The following MUC3A variants were observed in gnomAD, a reference collection of about 807,000 sequenced individuals.
The protein encoded by MUC3A is mucin-3A.
Under a neutral mutation model 109.0 loss-of-function variants are expected in MUC3A, and 109 were observed. The observed-to-expected ratio is 1.00, with a 90% CI of 0.86 to 1.17. The LOEUF (loss-of-function observed/expected upper bound fraction) is 1.17, where lower values mean the gene tolerates loss of function less well. Among genes scored for constraint, MUC3A ranks in the 50% most tolerant of loss-of-function variants. The probability of loss-of-function intolerance (pLI) is 0.00; values close to 1 mark genes in which losing one functional copy is unlikely to be tolerated. For missense variants in MUC3A, 3,537 were observed against 2,469.4 expected, an observed-to-expected ratio of 1.43 and a Z score of -9.16; for synonymous variants, 1,398 against 981.4, an observed-to-expected ratio of 1.42 and a Z score of -7.93.
chr7:100,950,617 G>A (rs1340698705), intron 1 of MUC3A, among the ~76,000 whole-genome samples: 1 of 152,306 alleles, frequency 6.6e-6, no homozygotes, highest in Non-Finnish European at 1.5e-5. Flanking sequence ...AGGGGTAGCA[G>A]GTCGGGTACC....
At position 100,967,432 on chromosome 7, in the gene MUC3A, C is replaced by G. The variant is rs1792638358; in HGVS notation, c.*270C>G. The G allele has an allele frequency of 1.7e-6, 1 of 603,762 alleles. No individual in the cohort carries two copies. Among genetic ancestry groups the G allele is most frequent in the Non-Finnish European group, 2.9e-6 (1 of 341,608 alleles). The allele number at this position is 603,762 out of a possible 1,614,324, so 37.4% of individuals were successfully genotyped here. On this transcript the variant is annotated 3_prime_UTR_variant, in exon 12 of 12. Coordinates refer to ENST00000379458, the MANE Select transcript of MUC3A (RefSeq NM_005960.2). ...AGTTTCCTCACCTGCAAAACGGGTACAGCATTCCTGTATGATAGCTCACGC... is the reference window on the plus strand; with the variant it reads ...AGTTTCCTCACCTGCAAAACGGGTAGAGCATTCCTGTATGATAGCTCACGC...
chr7:100,966,982 A>T (rs200064816), intron 11 of MUC3A, 31 bp downstream of exon 11: 1,427 of 1,597,838 alleles, frequency 8.9e-4, no homozygotes, highest in Admixed American at 1.9e-3. Context: ...ACCCCAAGGA[A>T]CTCTCCCAGC....
At chr7:100,961,794 CAG>C (rs1158773662) in intron 3 of MUC3A, among the ~76,000 whole-genome samples, 5 of 152,280 alleles carry the variant, frequency 3.3e-5, no homozygotes, top group Admixed American at 3.3e-4. Flanking sequence ...GCGTAGATGA[CAG>C]AGGGAGAGTG....
In MUC3A at chr7:100,959,252, T is replaced by A; in HGVS notation, c.7473T>A (p.Thr2491=). 1 of 1,596,876 alleles carries A rather than the reference T, an allele frequency of 6.3e-7. No individual in the cohort carries two copies. Among genetic ancestry groups the A allele is most frequent in the Non-Finnish European group, 8.5e-7 (1 of 1,178,762 alleles). Residue 2491 remains threonine, a synonymous_variant, in exon 2 of 12, where the codon ACT becomes ACA. Transcript: ENST00000379458. ...STDIPTTSLR[T]LTPSSVGTST... ...ACATCCCGACCACAAGCCTACGAAC[T>A]CTCACCCCTTCGTCTGTGGGCACCA...
Position 100,957,773 on chromosome 7 carries a change from AACC to A in MUC3A, c.6004_6006del (p.Thr2002del), listed in dbSNP as rs1792140861. On this transcript the variant is annotated inframe_deletion, in exon 2 of 12. Coordinates refer to ENST00000379458, the MANE Select transcript of MUC3A (RefSeq NM_005960.2). ...CCAGCTACACTTCTTTGATCACCACAACCACCACCACCTCACACAGTACTCCCA... is the reference window on the plus strand; with the variant it reads ...CCAGCTACACTTCTTTGATCACCACAACCACCACCTCACACAGTACTCCCA... 9 of 553,476 alleles carry A rather than the reference AACC, an allele frequency of 1.6e-5. No homozygotes were observed. Among genetic ancestry groups the A allele is most frequent in the African/African-American group, 6.8e-5 (1 of 14,770 alleles). 34.3% of individuals were successfully genotyped at this position (553,476 alleles called of 1,614,324 possible).
intron 3 of MUC3A, among the ~76,000 whole-genome samples, chr7:100,962,572 G>T (rs866594354): frequency 1.3e-5 from 2 of 152,306 alleles, no homozygotes; most frequent in Admixed American, 1.3e-4. Context: ...CAGGCTGACC[G>T]CTATCTTTCT....
intron 3 of MUC3A, among the ~76,000 whole-genome samples, chr7:100,962,667 TTTC>T (rs1198850616): frequency 1.5e-5 from 2 of 135,896 alleles, no homozygotes; most frequent in Admixed American, 7.4e-5. Context: ...CTCTTTCTCT[TTTC>T]TTTTTTTCTT....
rs74836112 is a variant in MUC3A at position 100,958,744 on chromosome 7, A to C, written c.6965A>C (p.His2322Pro). ...TTTETTSHSA[H>P]SFTSSITTTE... ...ACGGAGACCACCTCACACAGTGCTC[A>C]CAGCTTCACTTCTTCGATCACCACC... The change falls in exon 2 of 12, where the codon CAC (histidine) becomes CCC (proline). Residue 2322 changes from histidine (H) to proline (P), a missense_variant. Coordinates refer to ENST00000379458, the MANE Select transcript of MUC3A (RefSeq NM_005960.2). The C allele has an allele frequency of 0.051, 60,877 of 1,183,806 alleles. 5,844 individuals are homozygous for C. Among genetic ancestry groups the C allele is most frequent in the African/African-American group, 0.38 (19,550 of 51,300 alleles). The allele number at this position is 1,183,806 out of a possible 1,614,324, so 73.3% of individuals were successfully genotyped here.
chr7:100,956,854 C>G lies in MUC3A; in HGVS notation c.5075C>G (p.Thr1692Arg). ...SPPAITSTLH[T>R]TAESTPSPTT... ...CCAGCCATCACCAGTACACTCCACA[C>G]AACAGCTGAATCCACCCCATCACCT... The change falls in exon 2 of 12, where the codon ACA becomes AGA. Residue 1692 changes from threonine (T) to arginine (R), a missense_variant. Physicochemically the swap from Thr to Arg is moderately conservative, Grantham distance 71 (BLOSUM62 -1). Transcript: ENST00000379458. 2.4e-6 allele frequency: 1 copy of G among 415,764 alleles called. No homozygotes were observed. Among genetic ancestry groups the G allele is most frequent in the East Asian group, 3.5e-5 (1 of 28,300 alleles). The allele number at this position is 415,764 out of a possible 1,614,324, so 25.8% of individuals were successfully genotyped here. A position where few individuals can be genotyped will look rare whatever the true frequency, so the allele number is the denominator to read the frequency against.
chr7:100,965,585 A>C, intron 7 of MUC3A, 119 bp from the exon 8 acceptor site: 1 of 1,501,128 alleles, frequency 6.7e-7, no homozygotes, highest in South Asian at 1.3e-5. Flanking sequence ...GGTCTACCCC[A>C]CAGCATCCCA....
intron 4 of MUC3A, 75 bp from the exon 5 acceptor site, chr7:100,963,613 G>A: frequency 6.3e-7 from 1 of 1,595,128 alleles, no homozygotes; most frequent in Non-Finnish European, 8.5e-7. Flanking sequence ...GTCTTCCCTG[G>A]AGCTGGGGTT....
At chr7:100,963,988 T>C in intron 5 of MUC3A, 1 of 645,790 alleles carries the variant, frequency 1.5e-6, no homozygotes, top group Non-Finnish European at 2.7e-6. Context: ...CAGGGACATG[T>C]GGGAAGGTGG....
At chr7:100,964,912 G>T (rs1792471084) in intron 6 of MUC3A, 69 bp downstream of exon 6, 1 of 1,521,144 alleles carries the variant, frequency 6.6e-7, no homozygotes, top group East Asian at 2.4e-5. Flanking sequence ...CTCAGCCAGG[G>T]GGCCACTGGG....
At position 100,958,876 on chromosome 7, in the gene MUC3A, A is replaced by C; in HGVS notation, c.7097A>C (p.Glu2366Ala). 1 of 1,594,058 alleles carries C rather than the reference A, an allele frequency of 6.3e-7. No homozygotes were observed. The highest frequency in any genetic ancestry group is 8.5e-7 in the Non-Finnish European group (1 of 1,176,950). Residue 2366 changes from glutamate (E) to alanine (A), a missense_variant, in exon 2 of 12, where the codon GAG (glutamate) becomes GCG (alanine). Physicochemically the swap from Glu to Ala is moderately radical, Grantham distance 107. Coordinates refer to ENST00000379458, the MANE Select transcript of MUC3A (RefSeq NM_005960.2). The stretch of plus-strand genomic sequence containing the variant: ...TTCACTTCTTCGATCACCACCACCG[A>C]GACCACCTCACACAGTACTCCCAGC... ...TSFTSSITTT[E>A]TTSHSTPSFS... is the part of the protein sequence containing the mutation.
intron 5 of MUC3A, 180 bp downstream of exon 5, chr7:100,963,932 A>C: frequency 2.4e-6 from 2 of 849,644 alleles, no homozygotes; most frequent in Non-Finnish European, 3.7e-6. Flanking sequence ...TATCTGGAGG[A>C]GGGGTGGCAC....
In MUC3A at chr7:100,965,797, C is replaced by T. The variant is rs587639315; in HGVS notation, c.9542C>T (p.Ser3181Leu). 2.8e-4 allele frequency: 451 copies of T among 1,597,364 alleles called. No individual in the cohort carries two copies. The highest frequency in any genetic ancestry group is 8.8e-5 in the South Asian group (8 of 91,056). The change falls in exon 8 of 12, where the codon TCG becomes TTG. Residue 3181 changes from serine to leucine, a missense_variant. By Grantham distance (145) the Ser-to-Leu change is moderately radical. Transcript: ENST00000379458. Reference sequence around the variant, plus strand: ...CTCCGCTGTGTCACCAAATGCACGTCGGGGGTGGACAACGCCATCGACTGT... The same window carrying T: ...CTCCGCTGTGTCACCAAATGCACGTTGGGGGTGGACAACGCCATCGACTGT... The part of the protein sequence containing the change: ...TRLRCVTKCT[S>L]GVDNAIDCHQ...
At position 100,965,318 on chromosome 7, in the gene MUC3A, A is replaced by G. The variant is rs1792492006; in HGVS notation, c.9419A>G (p.Asn3140Ser). Residue 3140 changes from asparagine (N) to serine (S), a missense_variant, in exon 7 of 12, where the codon AAC becomes AGC. Asn to Ser is a conservative substitution (Grantham distance 46). Coordinates refer to ENST00000379458, the MANE Select transcript of MUC3A (RefSeq NM_005960.2). ...AAGCCTGACTCCATCAAGGTGAACAACAACAGCAAGACAGAGCTGACCCCG... is the reference window on the plus strand; with the variant it reads ...AAGCCTGACTCCATCAAGGTGAACAGCAACAGCAAGACAGAGCTGACCCCG... The part of the protein sequence containing the change: ...CFKPDSIKVN[N>S]NSKTELTPAA... 6.3e-7 allele frequency: 1 copy of G among 1,599,088 alleles called. No individual in the cohort carries two copies.
rs778102714 is a variant in MUC3A at position 100,959,234 on chromosome 7, G to A, written c.7455G>A (p.Pro2485=). The change falls in exon 2 of 12, where the codon CCG becomes CCA. Residue 2485 remains proline, a synonymous_variant. Transcript: ENST00000379458. The stretch of plus-strand genomic sequence containing the variant: ...CATCTTCTCTGAGTACAGACATCCC[G>A]ACCACAAGCCTACGAACTCTCACCC... The part of the protein sequence containing the change: ...VTPSSLSTDI[P]TTSLRTLTPS... 2.1e-5 allele frequency: 33 copies of A among 1,598,198 alleles called. No homozygotes were observed. The highest frequency in any genetic ancestry group is 1.7e-4 in the Middle Eastern group (1 of 6,056).
chr7:100,965,342 C>G lies in MUC3A; in HGVS notation c.9443C>G (p.Pro3148Arg). The change falls in exon 7 of 12, where the codon CCG becomes CGG. Residue 3148 changes from proline (P) to arginine (R), a missense_variant. Physicochemically the swap from Pro to Arg is moderately radical, Grantham distance 103. Coordinates refer to ENST00000379458, the MANE Select transcript of MUC3A (RefSeq NM_005960.2). ...VNNNSKTELT[P>R]AAICRRAAPT... ...AACAACAGCAAGACAGAGCTGACCC[C>G]GGCAGGTAAGGGTGGGGTAAAGGGC... The G allele has an allele frequency of 1.3e-6, 2 of 1,598,532 alleles. No individual in the cohort carries two copies. The highest frequency in any genetic ancestry group is 1.3e-5 in the African/African-American group (1 of 75,072).
Sources: allele counts gnomAD v4.1 joint callset (sites outside exome capture counted in the v4.1 genomes callset), GRCh38; gene constraint gnomAD v4.1.1; transcripts MANE v1.5; gene names NCBI Gene and HGNC (gene_info 2026-07-23, HGNC 2026-07-21).